The following RGS6 variants were observed in gnomAD, a reference collection of about 807,000 sequenced individuals.
RGS6 encodes the protein regulator of G-protein signaling 6.
In RGS6, 30 loss-of-function variants were observed where a neutral mutation model predicts 78.5. The ratio of observed to expected loss-of-function variants is 0.38; its 90% CI spans 0.29 to 0.52. The LOEUF (loss-of-function observed/expected upper bound fraction) is 0.52. RGS6 is among the 20% of genes least tolerant of loss of function. The probability of loss-of-function intolerance (pLI) is 0.85; values close to 1 mark genes in which losing one functional copy is unlikely to be tolerated. For synonymous variants in RGS6, 206 were observed against 206.0 expected (o/e 1.00, Z 0.00); for missense variants, 495 against 609.7 (o/e 0.81, Z 1.98).
At chr14:72,215,640 A>G (rs1232995720) in intron 2 of RGS6, among the ~76,000 whole-genome samples, 1 of 152,170 alleles carries the variant, frequency 6.6e-6, no homozygotes, top group South Asian at 2.1e-4. Flanking sequence ...GAACTTTTTA[A>G]AAGAGGCAAA....
intron 1 of RGS6, among the ~76,000 whole-genome samples, chr14:71,952,404 T>G (rs2092408921): frequency 6.6e-6 from 1 of 152,130 alleles, no homozygotes; most frequent in South Asian, 2.1e-4. Context: ...GTACTTCCTT[T>G]TTCTCTTGGA....
chr14:72,431,120 C>T (rs2094612338), intron 3 of RGS6, among the ~76,000 whole-genome samples: 1 of 152,116 alleles, frequency 6.6e-6, no homozygotes, highest in South Asian at 2.1e-4. Flanking sequence ...TCCATATGTA[C>T]TAGGATCTTA....
intron 2 of RGS6, among the ~76,000 whole-genome samples, chr14:72,192,108 C>T (rs777933360): frequency 1.2e-4 from 19 of 152,180 alleles, no homozygotes; most frequent in Non-Finnish European, 2.5e-4. Flanking sequence ...TCATTCTTAT[C>T]GCACAGTGGC....
the RGS6 span, among the ~76,000 whole-genome samples, chr14:71,873,716 C>A: frequency 6.6e-6 from 1 of 152,116 alleles, no homozygotes; most frequent in South Asian, 2.1e-4. Flanking sequence ...AGTCCTTGCC[C>A]ATGCCTATGT....
At chr14:72,417,091 C>A (rs545607049) in intron 3 of RGS6, among the ~76,000 whole-genome samples, 2 of 152,134 alleles carry the variant, frequency 1.3e-5, no homozygotes, top group Non-Finnish European at 2.9e-5. Context: ...GATTTATCAG[C>A]GCCACTCCCT....
intron 17 of RGS6, among the ~76,000 whole-genome samples, chr14:72,545,716 T>G (rs1438874730): frequency 6.6e-6 from 1 of 152,134 alleles, no homozygotes; most frequent in Non-Finnish European, 1.5e-5. Flanking sequence ...AGCCTGGACA[T>G]GCACTGGCAG....
intron 2 of RGS6, among the ~76,000 whole-genome samples, chr14:72,291,439 C>A (rs1040906896): frequency 1.3e-5 from 2 of 152,152 alleles, no homozygotes; most frequent in Non-Finnish European, 2.9e-5. Context: ...TCCTCTACAG[C>A]ATTGCTGCAC....
rs1265459965 is a variant in RGS6 at position 72,565,771 on chromosome 14, G to GTGAT, written c.*3307_*3310dup. On this transcript the variant is annotated 3_prime_UTR_variant, in exon 18 of 18. Coordinates refer to ENST00000553525, the MANE Select transcript of RGS6 (RefSeq NM_001204424.2). ...GCCTGCCACCCAACTGGCCCCCTTGGTGATTGTGGAAGGTGATGTTTTTCC... is the reference window on the plus strand; with the variant it reads ...GCCTGCCACCCAACTGGCCCCCTTGGTGATTGATTGTGGAAGGTGATGTTTTTCC... 1 of 152,238 alleles carries GTGAT rather than the reference G, an allele frequency of 6.6e-6. No homozygotes were observed. The highest frequency in any genetic ancestry group is 1.5e-5 in the Non-Finnish European group (1 of 68,066). 9.4% of individuals were successfully genotyped at this position (152,238 alleles called of 1,614,324 possible).
rs564776650 is a variant in RGS6, at chr14:72,424,807, A to G, written c.185-29721A>G. 1.3e-4 allele frequency among the ~76,000 whole-genome samples: 20 copies of G among 152,296 alleles called. No homozygotes were observed. The East Asian group carries it at 3.3e-3, about 25-fold the overall frequency. ...CAGGCATCTGAGTTCTGGGGGGGCA[A>G]TGCTATAATCCCTGCCCAGAACCAA... On this transcript the variant is annotated intron_variant, in intron 3 of 17. Transcript: ENST00000553525.
the RGS6 span, among the ~76,000 whole-genome samples, chr14:72,573,014 G>A: frequency 2.6e-5 from 4 of 152,126 alleles, no homozygotes; most frequent in Non-Finnish European, 5.9e-5. Flanking sequence ...CAAGAGAACA[G>A]GGCTGGTCCT....
chr14:71,961,504 A>G (rs2093197439), intron 1 of RGS6, among the ~76,000 whole-genome samples: 1 of 152,154 alleles, frequency 6.6e-6, no homozygotes, highest in Admixed American at 6.5e-5. Flanking sequence ...GATTAAAGGC[A>G]CAGAGAGGAG....
intron 12 of RGS6, among the ~76,000 whole-genome samples, chr14:72,485,218 T>C (rs537083630): frequency 6.6e-6 from 1 of 152,316 alleles, no homozygotes; most frequent in East Asian, 1.9e-4. Flanking sequence ...GAATTTCCTA[T>C]ATTTATTTTA....
At chr14:71,981,722 G>A (rs1325676747) in intron 2 of RGS6, among the ~76,000 whole-genome samples, 2 of 151,630 alleles carry the variant, frequency 1.3e-5, no homozygotes. Flanking sequence ...GTCTGCAGAG[G>A]TTACTGCTGT....
At chr14:72,434,469 T>C (rs1170789440) in intron 3 of RGS6, among the ~76,000 whole-genome samples, 1 of 152,226 alleles carries the variant, frequency 6.6e-6, no homozygotes, top group African/African-American at 2.4e-5. Context: ...ATATATCTTC[T>C]GTAGCATTCA....
chr14:71,871,768 C>A, the RGS6 span, among the ~76,000 whole-genome samples: 29 of 152,268 alleles, frequency 1.9e-4, no homozygotes, highest in Non-Finnish European at 3.7e-4. Flanking sequence ...ATTACCCTGA[C>A]CAAGATCTTC....
At chr14:72,471,405 G>T (rs1188685143) in intron 8 of RGS6, among the ~76,000 whole-genome samples, 1 of 152,204 alleles carries the variant, frequency 6.6e-6, no homozygotes, top group Non-Finnish European at 1.5e-5. Context: ...AGCCAGGATG[G>T]TTAGTTAACA....
the RGS6 span, among the ~76,000 whole-genome samples, chr14:72,600,999 G>C: frequency 6.9e-6 from 1 of 145,618 alleles, no homozygotes; most frequent in African/African-American, 2.6e-5. Flanking sequence ...AGAGGAGGAG[G>C]AGGGGGGAGA....
At position 72,405,824 on chromosome 14, in the gene RGS6, T is replaced by G. The variant is rs561807241; in HGVS notation, c.185-48704T>G. On this transcript the variant is annotated intron_variant, in intron 3 of 17. Coordinates refer to ENST00000553525, the MANE Select transcript of RGS6 (RefSeq NM_001204424.2). The stretch of plus-strand genomic sequence containing the variant: ...TTGGTGATGGGATTGAATTTTCTAT[T>G]TCCTGAAATGTAATCAGCTTTCAGT... Among the ~76,000 whole-genome samples the G allele has an allele frequency of 3.3e-5, 5 of 152,302 alleles. No homozygotes were observed. The South Asian group carries it at 1.0e-3, about 32-fold the overall frequency.
Position 72,264,634 on chromosome 14 carries a change from A to G in RGS6, c.85-87461A>G, listed in dbSNP as rs781023568. Among the ~76,000 whole-genome samples the G allele has an allele frequency of 1.9e-4, 29 of 152,160 alleles. 1 individual carries two copies. Among genetic ancestry groups the G allele is most frequent in the Non-Finnish European group, 3.7e-4 (25 of 68,030 alleles). ...ATTTTCCAAGTCTTTTGTCTTCAAG[A>G]ACATAAATTAGAGGACACTCTTACC... is the stretch of plus-strand genomic sequence containing the variant. On this transcript the variant is annotated intron_variant, in intron 2 of 17. Transcript: ENST00000553525.
Sources: gnomAD v4.1 joint callset for allele counts (sites outside exome capture counted in the v4.1 genomes callset) on GRCh38, gnomAD v4.1.1 for gene constraint, MANE v1.5 for transcripts, NCBI Gene and HGNC (gene_info 2026-07-23, HGNC 2026-07-21) for gene names.